The following CELF4 variants were observed in gnomAD, a reference collection of about 807,000 sequenced individuals.
CELF4 encodes the protein CUGBP Elav-like family member 4, also known as CUG-BP- and ETR-3-like factor 4.
A neutral mutation model predicts 59.9 loss-of-function variants in CELF4; 18 were observed. The ratio of observed to expected loss-of-function variants is 0.30; its 90% CI spans 0.21 to 0.45. CELF4 has a LOEUF of 0.45. Among genes scored for constraint, CELF4 ranks in the 20% least tolerant of loss-of-function variants. CELF4 has a pLI of 1.00. For synonymous variants in CELF4, 261 were observed against 267.1 expected, an observed-to-expected ratio of 0.98 and a Z score of 0.22; for missense variants, 456 against 689.0, an observed-to-expected ratio of 0.66 and a Z score of 3.79.
chr18:37,464,479 G>C (rs908750495), intron 2 of CELF4, among the ~76,000 whole-genome samples: 1 of 152,162 alleles, frequency 6.6e-6, no homozygotes, highest in African/African-American at 2.4e-5. Flanking sequence ...GGGCTGCATG[G>C]TGGGACACTT....
intron 2 of CELF4, among the ~76,000 whole-genome samples, chr18:37,345,482 G>T (rs2098220578): frequency 6.6e-6 from 1 of 151,978 alleles, no homozygotes; most frequent in South Asian, 2.1e-4. Flanking sequence ...TCCCCTAAGG[G>T]ATGGCTGCAT....
rs542536632 is a variant in CELF4, at chr18:37,336,761, G to A, written c.370-14880C>T. 9.5e-4 allele frequency among the ~76,000 whole-genome samples: 144 copies of A among 152,344 alleles called. 1 individual carries two copies. Among genetic ancestry groups the A allele is most frequent in the African/African-American group, 2.8e-3 (118 of 41,590 alleles). ...CTGAAGCTGGCCAGCGTGCGTGGCC[G>A]ATGACGGTGGATGCGGCGTCTCTCC... On this transcript the variant is annotated intron_variant, in intron 2 of 12. Coordinates refer to ENST00000420428, the MANE Select transcript of CELF4 (RefSeq NM_020180.4).
chr18:37,299,940 A>T (rs563461144), intron 3 of CELF4, among the ~76,000 whole-genome samples: 5 of 152,208 alleles, frequency 3.3e-5, no homozygotes, highest in African/African-American at 1.2e-4. Flanking sequence ...TGGAGTGCAG[A>T]GCCACAACCC....
chr18:37,414,980 A>G (rs758660355), intron 2 of CELF4, among the ~76,000 whole-genome samples: 1 of 152,242 alleles, frequency 6.6e-6, no homozygotes, highest in Admixed American at 6.5e-5. Flanking sequence ...TCAAAGATGT[A>G]GAAGACAACT....
chr18:37,564,544 A>G (rs961867640), intron 1 of CELF4, among the ~76,000 whole-genome samples: 8 of 152,190 alleles, frequency 5.3e-5, no homozygotes, highest in Admixed American at 1.3e-4. Flanking sequence ...AGCTCTCTGC[A>G]TGGTGAGTTT....
chr18:37,302,962 G>A (rs2096163036), intron 3 of CELF4, among the ~76,000 whole-genome samples: 1 of 152,138 alleles, frequency 6.6e-6, no homozygotes, highest in Non-Finnish European at 1.5e-5. Context: ...GGAGAGGAGA[G>A]TGGGAAGGGG....
intron 3 of CELF4, among the ~76,000 whole-genome samples, chr18:37,277,701 C>T (rs558676862): frequency 7.7e-4 from 118 of 152,272 alleles, no homozygotes; most frequent in African/African-American, 2.3e-3. Flanking sequence ...GAAATGGGAG[C>T]TTTTCCTTCT....
chr18:37,414,173 C>T (rs549403336), intron 2 of CELF4, among the ~76,000 whole-genome samples: 1 of 152,014 alleles, frequency 6.6e-6, no homozygotes. Context: ...TTTCAAGTTT[C>T]TTATTTTTCC....
intron 1 of CELF4, among the ~76,000 whole-genome samples, chr18:37,493,776 C>T (rs1429891080): frequency 2.0e-5 from 3 of 152,174 alleles, no homozygotes; most frequent in African/African-American, 7.2e-5. Flanking sequence ...TGGAATCTCC[C>T]CCTTGGCCAT....
intron 3 of CELF4, among the ~76,000 whole-genome samples, chr18:37,310,057 T>G (rs1171343065): frequency 6.6e-6 from 1 of 151,802 alleles, no homozygotes; most frequent in East Asian, 1.9e-4. Context: ...CCCTGCCACC[T>G]CCTCTCTTTT....
intron 2 of CELF4, among the ~76,000 whole-genome samples, chr18:37,414,117 G>A (rs1169963957): frequency 6.6e-6 from 1 of 152,144 alleles, no homozygotes; most frequent in Non-Finnish European, 1.5e-5. Flanking sequence ...GCAGGGCAGG[G>A]ATTCGGCAAA....
intron 2 of CELF4, among the ~76,000 whole-genome samples, chr18:37,481,436 C>T (rs2099866808): frequency 6.6e-6 from 1 of 152,190 alleles, no homozygotes; most frequent in Non-Finnish European, 1.5e-5. Context: ...CTGAGCATCT[C>T]CCTTGAGACC....
chr18:37,560,404 C>T (rs1352278566), intron 1 of CELF4, among the ~76,000 whole-genome samples: 2 of 152,174 alleles, frequency 1.3e-5, no homozygotes, highest in Non-Finnish European at 2.9e-5. Flanking sequence ...TTAAGTAGGA[C>T]ACTTATCAAC....
chr18:37,519,792 G>A (rs1226399836), intron 1 of CELF4, among the ~76,000 whole-genome samples: 1 of 152,190 alleles, frequency 6.6e-6, no homozygotes, highest in Non-Finnish European at 1.5e-5. Context: ...TAAGCAGTGT[G>A]GATGTACATA....
At chr18:37,401,532 A>T (rs2099326699) in intron 2 of CELF4, among the ~76,000 whole-genome samples, 1 of 152,144 alleles carries the variant, frequency 6.6e-6, no homozygotes, top group African/African-American at 2.4e-5. Context: ...GCATTAAATC[A>T]TTTGGTCCTC....
intron 2 of CELF4, among the ~76,000 whole-genome samples, chr18:37,432,246 T>C (rs2099671316): frequency 6.6e-6 from 1 of 152,196 alleles, no homozygotes; most frequent in Admixed American, 6.5e-5. Flanking sequence ...AGGGGTGCTG[T>C]TGTGAGGGCC....
chr18:37,249,688 A>G (rs1295112267), intron 12 of CELF4, among the ~76,000 whole-genome samples: 1 of 150,776 alleles, frequency 6.6e-6, no homozygotes, highest in Non-Finnish European at 1.5e-5. Context: ...CTTCCCGACC[A>G]CTCTCGGGGT....
At chr18:37,247,375 G>A (rs1289143737) in intron 12 of CELF4, 1 of 151,174 alleles carries the variant, frequency 6.6e-6, no homozygotes, top group African/African-American at 2.4e-5. Context: ...GAGTGTGGGT[G>A]GGGGAAGGAA....
intron 2 of CELF4, among the ~76,000 whole-genome samples, chr18:37,472,206 T>C (rs531525001): frequency 6.6e-6 from 1 of 152,394 alleles, no homozygotes; most frequent in South Asian, 2.1e-4. Flanking sequence ...AGCCCTCCTC[T>C]TCCAGCACAG....
Sources: allele counts gnomAD v4.1 joint callset (sites outside exome capture counted in the v4.1 genomes callset), GRCh38; gene constraint gnomAD v4.1.1; transcripts MANE v1.5; gene names NCBI Gene and HGNC (gene_info 2026-07-23, HGNC 2026-07-21).